Variants in PECR observed in about 807,000 individuals in gnomAD.
PECR encodes peroxisomal trans-2-enoyl-CoA reductase.
Under a neutral mutation model 35.3 loss-of-function variants are expected in PECR, and 30 were observed. The ratio of observed to expected loss-of-function variants is 0.85; its 90% confidence interval spans 0.64 to 1.15. PECR has a LOEUF of 1.15. Among genes scored for constraint, PECR ranks in the 50% most tolerant of loss-of-function variants. The probability of loss-of-function intolerance (pLI) is 0.00; values close to 1 mark genes in which losing one functional copy is unlikely to be tolerated. For missense variants in PECR, 392 were observed against 370.8 expected (o/e 1.06, Z -0.47); for synonymous variants, 148 against 138.9 (o/e 1.07, Z -0.46).
intron 7 of PECR, among the ~76,000 whole-genome samples, chr2:216,031,123 T>C (rs1163524288): frequency 2.6e-5 from 4 of 152,068 alleles, no homozygotes; most frequent in Admixed American, 1.3e-4. Flanking sequence ...AAGAGTTGCA[T>C]AGGCCAGACA....
intron 1 of PECR, among the ~76,000 whole-genome samples, chr2:216,068,236 A>G (rs901990541): frequency 2.5e-4 from 38 of 151,418 alleles, no homozygotes; most frequent in African/African-American, 8.5e-4. Context: ...AAAAAAAAAA[A>G]AAAAAAAAAA....
At chr2:216,081,523 A>G in intron 1 of PECR, 95 bp downstream of exon 1, 1 of 1,495,550 alleles carries the variant, frequency 6.7e-7, no homozygotes, top group East Asian at 2.3e-5. Flanking sequence ...GCAGCTCCAC[A>G]CTCCCTCAGC....
chr2:216,036,599 T>C (rs1436971586), downstream of PECR, among the ~76,000 whole-genome samples: 2 of 152,208 alleles, frequency 1.3e-5, no homozygotes, highest in Admixed American at 6.5e-5. Flanking sequence ...TAAATGTCAA[T>C]GCATACTTTC....
At chr2:216,042,345 T>G (rs190150856) in intron 7 of PECR, among the ~76,000 whole-genome samples, 2 of 152,210 alleles carry the variant, frequency 1.3e-5, no homozygotes, top group Non-Finnish European at 2.9e-5. Flanking sequence ...TGCTCGCCTC[T>G]CACATACACC....
chr2:216,054,617 TG>T (rs1423871081), intron 4 of PECR, among the ~76,000 whole-genome samples: 2 of 151,068 alleles, frequency 1.3e-5, no homozygotes, highest in African/African-American at 2.4e-5. Context: ...ATTACAGGCG[TG>T]AGCCACTGCA....
intron 1 of PECR, among the ~76,000 whole-genome samples, chr2:216,073,146 A>G (rs1273896319): frequency 6.6e-6 from 1 of 152,230 alleles, no homozygotes; most frequent in African/African-American, 2.4e-5. Flanking sequence ...TTAATTTATC[A>G]AAATATATAA....
downstream of PECR, among the ~76,000 whole-genome samples, chr2:216,037,921 C>T (rs1197297880): frequency 6.7e-6 from 1 of 150,200 alleles, no homozygotes; most frequent in East Asian, 2.0e-4. Context: ...ACCATCTCTA[C>T]TAAAAATACA....
At chr2:216,043,772 T>C (rs1694940564) in intron 7 of PECR, 132 bp downstream of exon 7, 1 of 662,936 alleles carries the variant, frequency 1.5e-6, no homozygotes, top group Non-Finnish European at 2.8e-6. Flanking sequence ...ATCATGAATA[T>C]AAACATTTTG....
At chr2:216,030,952 T>A (rs879918813) in intron 7 of PECR, among the ~76,000 whole-genome samples, 21,865 of 106,084 alleles carry the variant, frequency 0.21, 1,740 homozygotes, top group Non-Finnish European at 0.24. Context: ...TCTCTCTCTC[T>A]CTCTCACACA....
At chr2:216,044,288 G>A (rs901485306) in intron 6 of PECR, among the ~76,000 whole-genome samples, 7 of 152,280 alleles carry the variant, frequency 4.6e-5, no homozygotes, top group Admixed American at 2.0e-4. Context: ...GCTACATGAC[G>A]TCAAGAAGCC....
intron 7 of PECR, among the ~76,000 whole-genome samples, chr2:216,042,416 G>A (rs1257671100): frequency 6.6e-6 from 1 of 152,212 alleles, no homozygotes; most frequent in African/African-American, 2.4e-5. Flanking sequence ...ACCTGAAAGA[G>A]TACGTAGACC....
rs201983152 is a variant in PECR, at chr2:216,066,495, G to A, written c.148C>T (p.Arg50Cys). The change falls in exon 2 of 8, where the codon CGT becomes TGT. Residue 50 changes from arginine (R) to cysteine (C), a missense_variant. Physicochemically the swap from Arg to Cys is radical, Grantham distance 180. Transcript: ENST00000265322. Reference protein sequence around the residue: ...ELGSNVVIASRKLERLKSAAD... With the variant: ...ELGSNVVIASCKLERLKSAAD... ...GCAGACTTCAATCTCTCCAACTTAC[G>A]GGATGCAATGACCACATTACTCCCT... is the stretch of plus-strand genomic sequence containing the variant. 101 of 1,613,760 alleles carry A rather than the reference G, an allele frequency of 6.3e-5. No individual in the cohort carries two copies. Among genetic ancestry groups the A allele is most frequent in the Non-Finnish European group, 8.2e-5 (97 of 1,179,844 alleles).
chr2:216,039,401 C>A, intron 7 of PECR, 41 bp from the exon 8 acceptor site: 1 of 1,111,420 alleles, frequency 9.0e-7, no homozygotes, highest in South Asian at 1.2e-5. Flanking sequence ...TTGCAAATCT[C>A]ATTTGCCCTC....
chr2:216,040,526 T>C (rs548363883), intron 7 of PECR, among the ~76,000 whole-genome samples: 25 of 152,216 alleles, frequency 1.6e-4, no homozygotes, highest in African/African-American at 5.5e-4. Context: ...AGTGCTGAGA[T>C]TACAGGTGTG....
At chr2:216,052,859 T>G (rs1217989412) in intron 4 of PECR, among the ~76,000 whole-genome samples, 4 of 152,148 alleles carry the variant, frequency 2.6e-5, no homozygotes, top group Non-Finnish European at 4.4e-5. Context: ...CTGTTTTTGT[T>G]TTTTGTGTTT....
chr2:216,081,194 T>C (rs550211102), intron 1 of PECR, among the ~76,000 whole-genome samples: 19 of 152,330 alleles, frequency 1.2e-4, no homozygotes, highest in Admixed American at 6.5e-4. Context: ...CATATTTCCT[T>C]GCTGTGGTTA....
At position 216,074,493 on chromosome 2, in the gene PECR, A is replaced by AAAGGAAGGAAGGAAGGAAGG. The variant is rs751542181; in HGVS notation, c.124+7105_124+7124dup. ...GAAAGAGAGAGAGAAAGAAAGAAAA[A>AAAGGAAGGAAGGAAGGAAGG]AAGGAAGGAAGGAAGGAAGGAAGGA... is the stretch of plus-strand genomic sequence containing the variant. On this transcript the variant is annotated intron_variant, in intron 1 of 7. Transcript: ENST00000265322. Among the ~76,000 whole-genome samples, 209 of 133,112 alleles carry AAAGGAAGGAAGGAAGGAAGG rather than the reference A, an allele frequency of 1.6e-3. 3 individuals carry two copies. The East Asian group carries it at 0.017, about 11-fold the overall frequency. 87.3% of individuals were successfully genotyped at this position (133,112 alleles called of 152,430 possible). A position where few individuals can be genotyped will look rare whatever the true frequency, so the allele number is the denominator to read the frequency against.
intron 1 of PECR, among the ~76,000 whole-genome samples, chr2:216,080,083 ATATT>A (rs946545999): frequency 2.6e-5 from 4 of 151,718 alleles, no homozygotes; most frequent in African/African-American, 9.7e-5. Flanking sequence ...CAATAGCAAG[ATATT>A]TATTTATTTA....
At position 216,066,366 on chromosome 2, in the gene PECR, A is replaced by G. The variant is rs759459438; in HGVS notation, c.258+19T>C. The G allele has an allele frequency of 6.2e-7, 1 of 1,601,250 alleles. No individual in the cohort carries two copies. Among genetic ancestry groups the G allele is most frequent in the East Asian group, 2.2e-5 (1 of 44,822 alleles). ...AAATTACAATGAATGAATAAATGAT[A>G]CAGATATATCTCCATTACCTCCTCC... On this transcript the variant is annotated intron_variant, in intron 2 of 7. Coordinates refer to ENST00000265322, the MANE Select transcript of PECR (RefSeq NM_018441.6).
Sources: gnomAD v4.1 joint callset for allele counts (sites outside exome capture counted in the v4.1 genomes callset) on GRCh38, gnomAD v4.1.1 for gene constraint, MANE v1.5 for transcripts, NCBI Gene and HGNC (gene_info 2026-07-23, HGNC 2026-07-21) for gene names.